The following TUBB8 variants were observed in gnomAD, a reference collection of about 807,000 sequenced individuals.
The protein encoded by TUBB8 is tubulin beta 8 class VIII, also known as tubulin beta-8 chain.
TUBB8 carries 25 observed loss-of-function variants against 33.7 expected under a neutral mutation model. The ratio of observed to expected loss-of-function variants is 0.74; its 90% CI spans 0.54 to 1.04. The LOEUF (loss-of-function observed/expected upper bound fraction) is 1.04, where lower values mean the gene tolerates loss of function less well. TUBB8 is among the 50% of genes least tolerant of loss of function. TUBB8 has a pLI of 0.00. For synonymous variants in TUBB8, 245 were observed against 240.1 expected (o/e 1.02, Z -0.19); for missense variants, 279 against 608.0 (o/e 0.46, Z 5.69).
upstream of TUBB8, among the ~76,000 whole-genome samples, chr10:75,184 A>G (rs1365399720): frequency 5.2e-5 from 3 of 57,980 alleles, no homozygotes; most frequent in African/African-American, 1.6e-4. Context: ...CGCCCAGCCA[A>G]ATTTTTTTTT....
chr10:51,585 G>C (rs1290938299), upstream of TUBB8, among the ~76,000 whole-genome samples: 1 of 152,184 alleles, frequency 6.6e-6, no homozygotes, highest in East Asian at 1.9e-4. Context: ...CATAAGAACA[G>C]ACTAATACAG....
chr10:74,417 A>G (rs1834781541), upstream of TUBB8, among the ~76,000 whole-genome samples: 1 of 151,000 alleles, frequency 6.6e-6, no homozygotes, highest in African/African-American at 2.4e-5. Flanking sequence ...ACTCGAGGTC[A>G]GGAAATCGAG....
Position 48,048 on chromosome 10 carries a change from G to A in TUBB8, c.344C>T (p.Ser115Leu). The A allele has an allele frequency of 6.2e-7, 1 of 1,613,964 alleles. No individual in the cohort carries two copies. Among genetic ancestry groups the A allele is most frequent in the South Asian group, 1.1e-5 (1 of 91,078 alleles). Residue 115 changes from serine (S) to leucine (L), a missense_variant, in exon 4 of 4, where the codon TCA becomes TTA. By Grantham distance (145) the Ser-to-Leu change is moderately radical. Transcript: ENST00000568584. ...HYTEGAELME[S>L]VMDVVRKEAE... is the part of the protein sequence containing the mutation. ...CTCCTTTCTGACAACGTCCATCACT[G>A]ACTCCATCAGCTCCGCGCCTTCGGT...
At chr10:48,966 CA>C in intron 1 of TUBB8, 54 bp from the exon 2 acceptor site, 2 of 1,350,504 alleles carry the variant, frequency 1.5e-6, no homozygotes, top group Non-Finnish European at 2.0e-6. Context: ...GGAGGCGCCC[CA>C]GCCGCTCTCC....
chr10:68,862 C>A (rs1834703774), intron 1 of TUBB8, among the ~76,000 whole-genome samples: 1 of 152,202 alleles, frequency 6.6e-6, no homozygotes, highest in Non-Finnish European at 1.5e-5. Context: ...GGGTCTCTTT[C>A]CATTTGGATT....
At chr10:66,102 T>C (rs1340436792) in intron 1 of TUBB8, among the ~76,000 whole-genome samples, 1 of 152,202 alleles carries the variant, frequency 6.6e-6, no homozygotes, top group African/African-American at 2.4e-5. Context: ...TTTTCATCAC[T>C]GTATTCAACA....
At chr10:49,471 A>T, upstream of TUBB8, 1 of 655,522 alleles carries the variant, frequency 1.5e-6, no homozygotes, top group South Asian at 1.5e-5. Flanking sequence ...GGTCCTTTCC[A>T]CGTTGGGGAA....
rs1834407970 is a variant in TUBB8 at position 48,658 on chromosome 10, C to G, written c.234G>C (p.Ser78=). 2.5e-6 allele frequency: 4 copies of G among 1,612,062 alleles called. No homozygotes were observed. Among genetic ancestry groups the G allele is most frequent in the East Asian group, 2.2e-5 (1 of 44,870 alleles). ...GCCTGAAGACCTGCCCGAAGGGCCC[C>G]GAGCGCACAGAGTCCATGGTGCCCG... is the stretch of plus-strand genomic sequence containing the variant. The part of the protein sequence containing the change: ...LEPGTMDSVR[S]GPFGQVFRPD... The change falls in exon 3 of 4, where the codon TCG becomes TCC. Residue 78 remains serine, a synonymous_variant. Transcript: ENST00000568584.
chr10:73,504 G>A (rs1473042199), intron 1 of TUBB8, among the ~76,000 whole-genome samples: 2 of 152,208 alleles, frequency 1.3e-5, no homozygotes, highest in Non-Finnish European at 2.9e-5. Flanking sequence ...TTAGCCGGGC[G>A]TGCTGGCGCA....
chr10:67,214 C>T (rs1372821623), intron 1 of TUBB8, among the ~76,000 whole-genome samples: 2,648 of 111,136 alleles, frequency 0.024, no homozygotes, highest in African/African-American at 0.05. Flanking sequence ...GTATAAATGA[C>T]AGGATCAGCC....
At chr10:57,886 A>G (rs1428280746) in intron 1 of TUBB8, among the ~76,000 whole-genome samples, 2 of 152,068 alleles carry the variant, frequency 1.3e-5, no homozygotes, top group African/African-American at 4.8e-5. Context: ...TCTCTTGTAA[A>G]AGCTTTTTAT....
intron 1 of TUBB8, among the ~76,000 whole-genome samples, chr10:59,041 G>T (rs1588277222): frequency 6.6e-6 from 1 of 152,034 alleles, no homozygotes; most frequent in East Asian, 1.9e-4. Context: ...TCCCCACTTG[G>T]TATGATACTA....
intron 1 of TUBB8, among the ~76,000 whole-genome samples, chr10:59,371 T>A (rs1834570290): frequency 6.6e-6 from 1 of 152,156 alleles, no homozygotes; most frequent in African/African-American, 2.4e-5. Context: ...GTATTTTTAG[T>A]AGATATGGGG....
chr10:58,887 T>C (rs1554740513), intron 1 of TUBB8, among the ~76,000 whole-genome samples: 1 of 152,222 alleles, frequency 6.6e-6, no homozygotes, highest in Non-Finnish European at 1.5e-5. Context: ...TAATTTGACT[T>C]CTTTTCCAAC....
At chr10:62,153 T>C (rs868948064) in intron 1 of TUBB8, among the ~76,000 whole-genome samples, 16 of 152,344 alleles carry the variant, frequency 1.1e-4, no homozygotes, top group African/African-American at 3.4e-4. Context: ...TGATTGACTT[T>C]TGTCCTCTCA....
upstream of TUBB8, among the ~76,000 whole-genome samples, chr10:75,198 A>G (rs1834795035): frequency 1.3e-5 from 2 of 150,488 alleles, no homozygotes; most frequent in Non-Finnish European, 3.0e-5. Context: ...TTTTTTTTTA[A>G]ATTAGCTGTG....
At chr10:63,004 C>T (rs79245458) in intron 1 of TUBB8, among the ~76,000 whole-genome samples, 19,774 of 120,210 alleles carry the variant, frequency 0.16, no homozygotes, top group African/African-American at 0.3. Context: ...CTGTAACTTT[C>T]TTGTACTTGA....
chr10:68,828 A>G (rs551110859), intron 1 of TUBB8, among the ~76,000 whole-genome samples: 1 of 152,276 alleles, frequency 6.6e-6, no homozygotes, highest in African/African-American at 2.4e-5. Flanking sequence ...ATTTCACTTC[A>G]CTGCCTGCCC....
intron 1 of TUBB8, among the ~76,000 whole-genome samples, chr10:66,719 C>A (rs1165934747): frequency 1.3e-5 from 2 of 152,250 alleles, no homozygotes; most frequent in South Asian, 4.1e-4. Flanking sequence ...CACCTGTAAT[C>A]CCAATGCTTT....
Sources: allele counts gnomAD v4.1 joint callset (sites outside exome capture counted in the v4.1 genomes callset), GRCh38; gene constraint gnomAD v4.1.1; transcripts MANE v1.5; gene names NCBI Gene and HGNC (gene_info 2026-07-23, HGNC 2026-07-21).